The following NEB variants were observed in gnomAD, a reference collection of about 807,000 sequenced individuals.
NEB encodes nebulin, also known as nemaline myopathy type 2.
A neutral mutation model predicts 952.2 loss-of-function variants in NEB; 512 were observed. That is an observed-to-expected ratio of 0.54 (90% CI 0.50 to 0.58). NEB has a LOEUF of 0.58. Ranked by LOEUF, NEB falls within the 20% of genes least tolerant of loss-of-function variation. The pLI, the probability that NEB is intolerant of heterozygous loss-of-function variation, is 0.00. For synonymous variants in NEB, 2,900 were observed against 3,149.8 expected (o/e 0.92, Z 2.66); for missense variants, 8,428 against 9,231.1 (o/e 0.91, Z 3.56).
Position 151,670,600 on chromosome 2 carries a change from C to G in NEB, c.4506+423G>C, listed in dbSNP as rs80264058. ...TAGAGGCCTCATTCTAAGATTGCCT[C>G]TCAGAACATGGAGCTATTATGCGAG... is the stretch of plus-strand genomic sequence containing the variant. On this transcript the variant is annotated intron_variant, in intron 38 of 181. Coordinates refer to ENST00000397345, the MANE Select transcript of NEB (RefSeq NM_001164508.2). Among the ~76,000 whole-genome samples the G allele has an allele frequency of 6.6e-3, 1,002 of 152,210 alleles. 11 individuals carry two copies. Among genetic ancestry groups the G allele is most frequent in the African/African-American group, 0.023 (935 of 41,496 alleles).
intron 136 of NEB, 43 bp downstream of exon 136, chr2:151,541,404 C>G (rs2288199): frequency 6.7e-6 from 10 of 1,481,890 alleles, no homozygotes; most frequent in East Asian, 4.6e-5. Context: ...ATAATCACCC[C>G]CTGTGATGCC....
At chr2:151,681,918 C>A (rs1249567675) in intron 29 of NEB, among the ~76,000 whole-genome samples, 4 of 152,058 alleles carry the variant, frequency 2.6e-5, no homozygotes, top group African/African-American at 9.7e-5. Context: ...AAAATAGAAA[C>A]CATCCACATA....
intron 135 of NEB, among the ~76,000 whole-genome samples, chr2:151,544,392 T>C (rs537538598): frequency 1.4e-4 from 21 of 152,134 alleles, no homozygotes; most frequent in Non-Finnish European, 2.6e-4. Context: ...ACAGGCTACA[T>C]ATTATTAAAC....
intron 63 of NEB, 58 bp from the exon 64 acceptor site, chr2:151,636,392 G>A (rs2098763694): frequency 1.5e-6 from 2 of 1,335,336 alleles, no homozygotes; most frequent in Non-Finnish European, 2.1e-6. Flanking sequence ...ACTGACAGAG[G>A]ACTAAGACAA....
intron 109 of NEB, among the ~76,000 whole-genome samples, chr2:151,569,783 T>A (rs2096562433): frequency 6.6e-6 from 1 of 152,246 alleles, no homozygotes; most frequent in Admixed American, 6.5e-5. Context: ...GGGCTGCCAA[T>A]ATTTTACTGG....
rs757803976 is a variant in NEB, at chr2:151,709,725, C to A, written c.966G>T (p.Gln322His). 2.5e-6 allele frequency: 4 copies of A among 1,605,730 alleles called. No individual in the cohort carries two copies. In the Admixed American group the frequency reaches 6.8e-5, roughly 27 times the overall value. ...GTGTTTCGGTCTGCATGAAGTAGAT[C>A]TGGTCTTTCATGTTTTCAAAATCTT... ...YQEDFENMKDQIYFMQTETPE... is the reference protein window; with the variant it reads ...YQEDFENMKDHIYFMQTETPE... Residue 322 changes from glutamine (Q) to histidine (H), a missense_variant, in exon 12 of 182, where the codon CAG (glutamine) becomes CAT (histidine). Physicochemically the swap from Gln to His is conservative, Grantham distance 24 (BLOSUM62 0). Transcript: ENST00000397345.
Position 151,632,468 on chromosome 2 carries a change from G to A in NEB, c.9415-1122C>T, listed in dbSNP as rs112045384. On this transcript the variant is annotated intron_variant, in intron 65 of 181. Transcript: ENST00000397345. ...AGGGGGGCAGATCACCTGAGGTCAG[G>A]AGTTGGAGACCAGCCTGGCCAATAT... Among the ~76,000 whole-genome samples the A allele has an allele frequency of 3.7e-3, 563 of 152,096 alleles. 4 individuals are homozygous for A. Among genetic ancestry groups the A allele is most frequent in the African/African-American group, 0.013 (529 of 41,506 alleles).
chr2:151,704,630 C>T (rs1345085629), intron 13 of NEB, among the ~76,000 whole-genome samples: 2 of 152,178 alleles, frequency 1.3e-5, no homozygotes, highest in South Asian at 2.1e-4. Flanking sequence ...TTTCCAGGTG[C>T]GTCCGTCACC....
At chr2:151,511,173 C>T (rs2073979990) in intron 161 of NEB, among the ~76,000 whole-genome samples, 1 of 152,244 alleles carries the variant, frequency 6.6e-6, no homozygotes, top group Non-Finnish European at 1.5e-5. Context: ...GAGGCTCTCA[C>T]AGCCCAAAGA....
intron 125 of NEB, among the ~76,000 whole-genome samples, chr2:151,554,398 C>A (rs1355288759): frequency 2.0e-5 from 3 of 150,450 alleles, no homozygotes; most frequent in African/African-American, 4.9e-5. Flanking sequence ...CCAATCGCTA[C>A]AAAAAAAAAC....
At chr2:151,572,232 G>C (rs1452432278) in intron 107 of NEB, among the ~76,000 whole-genome samples, 1 of 152,080 alleles carries the variant, frequency 6.6e-6, no homozygotes, top group Non-Finnish European at 1.5e-5. Context: ...TGAGGCAGGA[G>C]CATCGCTTGA....
chr2:151,731,606 A>C (rs6433590), intron 3 of NEB, among the ~76,000 whole-genome samples: 129,028 of 152,144 alleles, frequency 0.85, 55,682 homozygotes, highest in Middle Eastern at 0.94. Flanking sequence ...CTGGTCAGAC[A>C]CAGATGCTGT....
chr2:151,658,304 A>G (rs1450123163), intron 47 of NEB, among the ~76,000 whole-genome samples: 2 of 152,212 alleles, frequency 1.3e-5, no homozygotes, highest in African/African-American at 4.8e-5. Context: ...AAATACCAGA[A>G]AAAGTAAAAG....
intron 13 of NEB, among the ~76,000 whole-genome samples, chr2:151,701,968 T>C (rs2099673414): frequency 6.8e-6 from 1 of 146,004 alleles, no homozygotes; most frequent in Non-Finnish European, 1.5e-5. Context: ...AGGGTGTCAA[T>C]TTTGGATCTT....
intron 162 of NEB, chr2:151,507,683 TTGAA>T: frequency 3.7e-6 from 1 of 267,716 alleles, no homozygotes; most frequent in Non-Finnish European, 7.1e-6. Context: ...GAAGCTTTTA[TTGAA>T]TAAATTGTGT....
chr2:151,624,522 A>G (rs774372760), intron 71 of NEB, among the ~76,000 whole-genome samples: 1 of 152,184 alleles, frequency 6.6e-6, no homozygotes, highest in Non-Finnish European at 1.5e-5. Context: ...GCCAAGGCCA[A>G]TCAAATATCT....
At chr2:151,714,916 G>T (rs1559549561) in intron 10 of NEB, among the ~76,000 whole-genome samples, 1 of 152,154 alleles carries the variant, frequency 6.6e-6, no homozygotes, top group African/African-American at 2.4e-5. Context: ...ATGGTTTGTT[G>T]TTGGGTGGAC....
At chr2:151,707,873 T>A (rs543484501) in intron 12 of NEB, among the ~76,000 whole-genome samples, 16 of 152,256 alleles carry the variant, frequency 1.1e-4, no homozygotes, top group African/African-American at 3.9e-4. Context: ...CCCCTCAGCC[T>A]CCACAGAGCA....
chr2:151,660,014 A>T (rs1235076750), intron 46 of NEB, among the ~76,000 whole-genome samples: 1 of 152,160 alleles, frequency 6.6e-6, no homozygotes, highest in Non-Finnish European at 1.5e-5. Context: ...CAATATACTC[A>T]TTCAAGGAAG....
Sources: allele counts gnomAD v4.1 joint callset (sites outside exome capture counted in the v4.1 genomes callset), GRCh38; gene constraint gnomAD v4.1.1; transcripts MANE v1.5; gene names NCBI Gene and HGNC (gene_info 2026-07-23, HGNC 2026-07-21).